Variants in GOLGA1 observed in about 807,000 individuals in gnomAD.
The protein encoded by GOLGA1 is golgin A1.
Under a neutral mutation model 119.7 loss-of-function variants are expected in GOLGA1, and 63 were observed. The observed-to-expected ratio is 0.53, with a 90% CI of 0.43 to 0.65. The LOEUF (loss-of-function observed/expected upper bound fraction) is 0.65, where lower values mean the gene tolerates loss of function less well. GOLGA1 is among the 30% of genes least tolerant of loss of function. GOLGA1 has a pLI of 0.00. For synonymous variants in GOLGA1, 318 were observed against 333.4 expected (o/e 0.95, Z 0.50); for missense variants, 798 against 912.8 (o/e 0.87, Z 1.62).
At chr9:124,917,709 C>T (rs966406623) in intron 10 of GOLGA1, among the ~76,000 whole-genome samples, 1 of 152,112 alleles carries the variant, frequency 6.6e-6, no homozygotes, top group African/African-American at 2.4e-5. Context: ...TGTGCTAATC[C>T]TTTTATTTGC....
intron 4 of GOLGA1, among the ~76,000 whole-genome samples, chr9:124,930,992 C>T (rs375285050): frequency 7.2e-5 from 11 of 152,320 alleles, no homozygotes; most frequent in South Asian, 2.1e-4. Flanking sequence ...TAAATACTAA[C>T]GCCATCCCTT....
In GOLGA1 at chr9:124,881,126, G is replaced by C; in HGVS notation, c.2223+45C>G. 1 of 1,029,032 alleles carries C rather than the reference G, an allele frequency of 9.7e-7. No individual in the cohort carries two copies. The highest frequency in any genetic ancestry group is 1.6e-6 in the Non-Finnish European group (1 of 644,224). 63.7% of individuals were successfully genotyped at this position (1,029,032 alleles called of 1,614,324 possible). On this transcript the variant is annotated intron_variant, in intron 22 of 22. Coordinates refer to ENST00000373555, the MANE Select transcript of GOLGA1 (RefSeq NM_002077.4). The surrounding 1 kb of genome is among the most constrained non-coding windows in gnomAD (Gnocchi z 4.9). ...TTACACTGCTACTGCTGGGATAACTGACAACGTATCTTGGAAGCTGGAACA... is the reference window on the plus strand; with the variant it reads ...TTACACTGCTACTGCTGGGATAACTCACAACGTATCTTGGAAGCTGGAACA...
At chr9:124,928,472 A>G (rs1212368964) in intron 5 of GOLGA1, among the ~76,000 whole-genome samples, 187 bp from the exon 6 acceptor site, 4 of 152,210 alleles carry the variant, frequency 2.6e-5, no homozygotes, top group Non-Finnish European at 4.4e-5. Flanking sequence ...AATAGACCAC[A>G]GTTTTTGTTT....
rs1214606701 is a variant in GOLGA1, at chr9:124,900,970, ATT to A, written c.1066-425_1066-424del. ...GCAGCAATTAACATCTTCACACAGT[ATT>A]TTTTTTTTTTTTTTTTTGAGATGGA... On this transcript the variant is annotated intron_variant, in intron 12 of 22. Transcript: ENST00000373555. Among the ~76,000 whole-genome samples the A allele has an allele frequency of 1.6e-4, 22 of 136,704 alleles. No homozygotes were observed. In the East Asian group the frequency reaches 2.2e-3, roughly 13 times the overall value. The allele number at this position is 136,704 out of a possible 152,430, so 89.7% of individuals were successfully genotyped here. A position where few individuals can be genotyped will look rare whatever the true frequency, so the allele number is the denominator to read the frequency against.
In GOLGA1 at chr9:124,930,171, T is replaced by A. The variant is rs568647792; in HGVS notation, c.227-881A>T. 5.9e-5 allele frequency among the ~76,000 whole-genome samples: 9 copies of A among 152,292 alleles called. No individual in the cohort carries two copies. The South Asian group carries it at 1.9e-3, about 32-fold the overall frequency. On this transcript the variant is annotated intron_variant, in intron 4 of 22. Transcript: ENST00000373555. Reference sequence around the variant, plus strand: ...TGGGCCCAGTAAATGTCAGTGCTCTTCCCTGTCCCTTCTCTAACGTAAGTC... The same window carrying A: ...TGGGCCCAGTAAATGTCAGTGCTCTACCCTGTCCCTTCTCTAACGTAAGTC...
chr9:124,888,449 G>A lies in GOLGA1; in HGVS notation c.1762-53C>T. The A allele has an allele frequency of 6.4e-7, 1 of 1,560,256 alleles. No individual in the cohort carries two copies. The highest frequency in any genetic ancestry group is 1.7e-5 in the Admixed American group (1 of 59,744). ...GCCAGGACAGGTCAGGTGAAGCTGA[G>A]CCACAGGTACACAGGGAAGGGGAGC... is the stretch of plus-strand genomic sequence containing the variant. On this transcript the variant is annotated intron_variant, in intron 18 of 22. Transcript: ENST00000373555. The surrounding 1 kb of genome is among the most constrained non-coding windows in gnomAD (Gnocchi z 4.4).
At chr9:124,880,940 T>C (rs1829564209) in intron 22 of GOLGA1, among the ~76,000 whole-genome samples, 1 of 152,156 alleles carries the variant, frequency 6.6e-6, no homozygotes, top group Admixed American at 6.5e-5. Context: ...TCAATGAAAA[T>C]GCTTTGAAAA....
At chr9:124,943,817 G>A (rs942439057), upstream of GOLGA1, 1 of 152,086 alleles carries the variant, frequency 6.6e-6, no homozygotes, top group African/African-American at 2.4e-5. Context: ...ACCTTCCAAT[G>A]GAAACTGCTC....
At chr9:124,889,580 C>T in intron 16 of GOLGA1, 44 bp from the exon 17 acceptor site, 1 of 1,232,248 alleles carries the variant, frequency 8.1e-7, no homozygotes, top group Non-Finnish European at 1.2e-6. Context: ...TGAGCAGTGA[C>T]TCCATCTTCC....
chr9:124,880,598 C>A lies in GOLGA1; in HGVS notation c.2236G>T (p.Gly746Trp). The change falls in exon 23 of 23, where the codon GGG (glycine) becomes TGG (tryptophan). Residue 746 changes from glycine to tryptophan, a missense_variant. Physicochemically the swap from Gly to Trp is radical, Grantham distance 184. Coordinates refer to ENST00000373555, the MANE Select transcript of GOLGA1 (RefSeq NM_002077.4). ...CTGCCCTTGGGAGCTGGTTTGGACC[C>A]AAACCATGACATCTGCATTTGAAAC... ...ETLEYKMSWF[G>W]SKPAPKGSIR... is the part of the protein sequence containing the mutation. The A allele has an allele frequency of 6.2e-7, 1 of 1,603,376 alleles. No individual in the cohort carries two copies. The highest frequency in any genetic ancestry group is 8.5e-7 in the Non-Finnish European group (1 of 1,170,560).
In GOLGA1 at chr9:124,889,431, C is replaced by T. The variant is rs373575904; in HGVS notation, c.1600+3G>A. 50 of 1,607,034 alleles carry T rather than the reference C, an allele frequency of 3.1e-5. 1 individual carries two copies. Among genetic ancestry groups the T allele is most frequent in the South Asian group, 3.1e-4 (28 of 90,964 alleles). On this transcript the variant is annotated splice_donor_region_variant and intron_variant, in intron 17 of 22. Coordinates refer to ENST00000373555, the MANE Select transcript of GOLGA1 (RefSeq NM_002077.4). Reference sequence around the variant, plus strand: ...AAGGCTCAGCCAGGGACCGACTCCTCACCTCGCTCCAGCTGGAGAATCTCC... The same window carrying T: ...AAGGCTCAGCCAGGGACCGACTCCTTACCTCGCTCCAGCTGGAGAATCTCC...
chr9:124,882,022 G>A (rs1829598032), intron 20 of GOLGA1, 68 bp from the exon 21 acceptor site: 9 of 1,170,868 alleles, frequency 7.7e-6, no homozygotes, highest in Non-Finnish European at 1.1e-5. Context: ...CACACGGGAG[G>A]TTCACCTGGT....
At chr9:124,931,071 C>G (rs1322633266) in intron 4 of GOLGA1, among the ~76,000 whole-genome samples, 1 of 152,106 alleles carries the variant, frequency 6.6e-6, no homozygotes, top group African/African-American at 2.4e-5. Flanking sequence ...TTATTATTAT[C>G]TTTTATTTCC....
chr9:124,940,499 T>G (rs1350396690), intron 1 of GOLGA1, among the ~76,000 whole-genome samples: 1 of 152,158 alleles, frequency 6.6e-6, no homozygotes, highest in Non-Finnish European at 1.5e-5. Context: ...ATTACTACAC[T>G]CACATACTGT....
chr9:124,931,444 T>C (rs751514608), intron 3 of GOLGA1, 38 bp from the exon 4 acceptor site: 149 of 951,570 alleles, frequency 1.6e-4, no homozygotes, highest in Non-Finnish European at 2.2e-4. Context: ...TATTCATATA[T>C]GTGTGAGACC....
chr9:124,904,203 T>G (rs1830170972), intron 12 of GOLGA1, among the ~76,000 whole-genome samples: 1 of 152,052 alleles, frequency 6.6e-6, no homozygotes, highest in Non-Finnish European at 1.5e-5. Flanking sequence ...CATTGTATGA[T>G]TCCACCAACA....
rs939992459 is a variant in GOLGA1, at chr9:124,880,329, G to A, written c.*201C>T. 4.4e-6 allele frequency: 2 copies of A among 459,284 alleles called. No individual in the cohort carries two copies. Among genetic ancestry groups the A allele is most frequent in the African/African-American group, 2.0e-5 (1 of 50,026 alleles). The allele number at this position is 459,284 out of a possible 1,614,324, so 28.5% of individuals were successfully genotyped here. A position where few individuals can be genotyped will look rare whatever the true frequency, so the allele number is the denominator to read the frequency against. Reference sequence around the variant, plus strand: ...TAGTGCCAGGACCCTCCTGTTTGGTGACCAGAATGACAGGATCAGCTACCC... The same window carrying A: ...TAGTGCCAGGACCCTCCTGTTTGGTAACCAGAATGACAGGATCAGCTACCC... On this transcript the variant is annotated 3_prime_UTR_variant, in exon 23 of 23. Coordinates refer to ENST00000373555, the MANE Select transcript of GOLGA1 (RefSeq NM_002077.4).
chr9:124,903,477 A>T, intron 12 of GOLGA1, among the ~76,000 whole-genome samples: 1 of 141,278 alleles, frequency 7.1e-6, no homozygotes. Flanking sequence ...GATTTTGTCT[A>T]AAAAAAAAAA....
chr9:124,900,469 T>C lies in GOLGA1; in HGVS notation c.1144A>G (p.Thr382Ala), dbSNP rs150137668. The C allele has an allele frequency of 2.2e-4, 347 of 1,574,880 alleles. No individual in the cohort carries two copies. The highest frequency in any genetic ancestry group is 2.7e-4 in the Non-Finnish European group (307 of 1,144,142). The change falls in exon 13 of 23, where the codon ACT becomes GCT. Residue 382 changes from threonine (T) to alanine (A), a missense_variant. Physicochemically the swap from Thr to Ala is moderately conservative, Grantham distance 58. Coordinates refer to ENST00000373555, the MANE Select transcript of GOLGA1 (RefSeq NM_002077.4). ...QSKGIVAAQE[T>A]QIQELAAANQ... Reference sequence around the variant, plus strand: ...GCACTTACGAGCTCCTGTATCTGAGTTTCCTGGGCAGCCACAATGCCCTTG... The same window carrying C: ...GCACTTACGAGCTCCTGTATCTGAGCTTCCTGGGCAGCCACAATGCCCTTG...
Sources: allele counts gnomAD v4.1 joint callset (sites outside exome capture counted in the v4.1 genomes callset), GRCh38; gene constraint gnomAD v4.1.1; non-coding constraint Gnocchi (gnomAD v3.1); transcripts MANE v1.5; gene names NCBI Gene and HGNC (gene_info 2026-07-23, HGNC 2026-07-21).